The following GALK2 variants were observed in gnomAD, a reference collection of about 807,000 sequenced individuals.
GALK2 encodes the protein galactokinase 2.
A neutral mutation model predicts 52.4 loss-of-function variants in GALK2; 36 were observed. That is an observed-to-expected ratio of 0.69 (90% CI 0.53 to 0.91). The LOEUF (loss-of-function observed/expected upper bound fraction) is 0.91, where lower values mean the gene tolerates loss of function less well. GALK2 is among the 40% of genes least tolerant of loss of function. The pLI, the probability that GALK2 is intolerant of heterozygous loss-of-function variation, is 0.00. For missense variants in GALK2, 579 were observed against 559.1 expected (o/e 1.04, Z -0.36); for synonymous variants, 176 against 199.1 (o/e 0.88, Z 0.98).
chr15:49,214,332 CTT>C (rs35359586), intron 2 of GALK2, among the ~76,000 whole-genome samples: 6 of 126,682 alleles, frequency 4.7e-5, no homozygotes, highest in Admixed American at 1.6e-4. Flanking sequence ...CACTTTGTCA[CTT>C]TTTTTTTTTT....
At chr15:49,273,710 A>G (rs984926064) in intron 5 of GALK2, among the ~76,000 whole-genome samples, 3 of 152,154 alleles carry the variant, frequency 2.0e-5, no homozygotes, top group Admixed American at 1.3e-4. Flanking sequence ...GCTCTACCTA[A>G]TATGTTTGCC....
At chr15:49,312,038 C>T (rs1319715574) in intron 8 of GALK2, among the ~76,000 whole-genome samples, 1 of 152,170 alleles carries the variant, frequency 6.6e-6, no homozygotes, top group Non-Finnish European at 1.5e-5. Context: ...CACTTTTCTT[C>T]CTCTTTCACT....
intron 7 of GALK2, among the ~76,000 whole-genome samples, chr15:49,286,656 C>T (rs2033392505): frequency 6.6e-6 from 1 of 152,136 alleles, no homozygotes; most frequent in Non-Finnish European, 1.5e-5. Flanking sequence ...TAACATTGAA[C>T]TCTTCATAGT....
At chr15:49,297,895 C>T (rs927683923) in intron 8 of GALK2, among the ~76,000 whole-genome samples, 10 of 150,560 alleles carry the variant, frequency 6.6e-5, no homozygotes, top group Non-Finnish European at 1.0e-4. Flanking sequence ...ATTGCTTTGG[C>T]TATTTGGGCC....
chr15:49,223,804 G>A (rs537872881), intron 3 of GALK2, among the ~76,000 whole-genome samples: 1 of 151,850 alleles, frequency 6.6e-6, no homozygotes, highest in Non-Finnish European at 1.5e-5. Flanking sequence ...GGGCACCTGC[G>A]TTGATTCCAT....
intron 8 of GALK2, among the ~76,000 whole-genome samples, chr15:49,294,971 GAGTT>G (rs1029408526): frequency 2.0e-5 from 3 of 152,276 alleles, no homozygotes; most frequent in Admixed American, 2.0e-4. Flanking sequence ...TGTGCAGTAT[GAGTT>G]AGAAGACAAA....
At chr15:49,289,702 T>C (rs16962296) in intron 7 of GALK2, among the ~76,000 whole-genome samples, 9,190 of 152,262 alleles carry the variant, frequency 0.06, 555 homozygotes, top group African/African-American at 0.15. Context: ...CACCTGCCAA[T>C]ATCAGTACAC....
rs1158312648 is a variant in GALK2, at chr15:49,329,934, T to C, written c.*1775T>C. The C allele has an allele frequency of 5.8e-6, 1 of 172,044 alleles. No homozygotes were observed. Among genetic ancestry groups the C allele is most frequent in the Admixed American group, 6.5e-5 (1 of 15,284 alleles). The allele number at this position is 172,044 out of a possible 1,614,324, so 10.7% of individuals were successfully genotyped here. On this transcript the variant is annotated 3_prime_UTR_variant, in exon 10 of 10. Coordinates refer to ENST00000560031, the MANE Select transcript of GALK2 (RefSeq NM_002044.4). Reference sequence around the variant, plus strand: ...TGCACTCTTCTTTGGGGGACACACATGGTCATTCTAAGCGAGGGATCTATT... The same window carrying C: ...TGCACTCTTCTTTGGGGGACACACACGGTCATTCTAAGCGAGGGATCTATT...
downstream of GALK2, chr15:49,335,311 C>A: frequency 1.5e-6 from 1 of 685,436 alleles, no homozygotes. Context: ...GATGCTCAGA[C>A]ATGACTCTCC....
chr15:49,296,035 C>T (rs1158549910), intron 8 of GALK2, among the ~76,000 whole-genome samples: 2 of 152,124 alleles, frequency 1.3e-5, no homozygotes, highest in Non-Finnish European at 2.9e-5. Flanking sequence ...ATAAGCTTTT[C>T]CTCCTGAAGA....
intron 5 of GALK2, among the ~76,000 whole-genome samples, chr15:49,265,594 G>A (rs1012449133): frequency 7.2e-5 from 11 of 152,352 alleles, no homozygotes; most frequent in African/African-American, 2.6e-4. Flanking sequence ...TGTGCCCACT[G>A]TCTGGCACTC....
At position 49,252,830 on chromosome 15, in the gene GALK2, A is replaced by G. The variant is rs572293228; in HGVS notation, c.504+13463A>G. ...TCTATTTTCCTACTACTGAAGTTCT[A>G]TCAATCTTTTAAATCTTTCCTAATC... On this transcript the variant is annotated intron_variant, in intron 5 of 9. Coordinates refer to ENST00000560031, the MANE Select transcript of GALK2 (RefSeq NM_002044.4). Among the ~76,000 whole-genome samples, 141 of 144,944 alleles carry G rather than the reference A, an allele frequency of 9.7e-4. 12 individuals carry two copies. Among genetic ancestry groups the G allele is most frequent in the African/African-American group, 3.3e-3 (132 of 40,498 alleles).
intron 8 of GALK2, among the ~76,000 whole-genome samples, chr15:49,297,487 C>T (rs1212410542): frequency 3.9e-5 from 6 of 152,138 alleles, no homozygotes; most frequent in Non-Finnish European, 7.4e-5. Flanking sequence ...GAGATTTCAT[C>T]ATGAAATCTT....
chr15:49,305,293 A>G (rs536448447), intron 8 of GALK2, among the ~76,000 whole-genome samples: 47 of 152,336 alleles, frequency 3.1e-4, no homozygotes, highest in African/African-American at 1.1e-3. Flanking sequence ...CAGTTTAACC[A>G]TATGAGATCT....
At chr15:49,314,107 T>C (rs1056434332) in intron 8 of GALK2, among the ~76,000 whole-genome samples, 10 of 152,220 alleles carry the variant, frequency 6.6e-5, no homozygotes, top group African/African-American at 2.4e-4. Flanking sequence ...ACCAATTATG[T>C]GTGCCCTGAT....
intron 1 of GALK2, among the ~76,000 whole-genome samples, chr15:49,157,390 T>C (rs2084495760): frequency 1.3e-5 from 2 of 152,226 alleles, no homozygotes; most frequent in South Asian, 4.1e-4. Context: ...TTAAAATTAC[T>C]ACCCCAGGGA....
intron 8 of GALK2, among the ~76,000 whole-genome samples, chr15:49,308,396 A>G (rs904748669): frequency 6.6e-5 from 10 of 152,230 alleles, no homozygotes; most frequent in Non-Finnish European, 1.5e-4. Flanking sequence ...AAAATATTCT[A>G]GGGTATGAAA....
At chr15:49,224,312 GT>G (rs1266215844) in intron 3 of GALK2, among the ~76,000 whole-genome samples, 1 of 152,140 alleles carries the variant, frequency 6.6e-6, no homozygotes, top group African/African-American at 2.4e-5. Context: ...TCTGTTGATA[GT>G]TTCTTTCGCT....
At chr15:49,365,918 A>G (rs1170986280) in intron 3 of GALK2, 1 of 964,876 alleles carries the variant, frequency 1.0e-6, no homozygotes, top group Non-Finnish European at 1.7e-6. Context: ...CTCATTGCTG[A>G]TACTATGCAG....
Sources: allele counts gnomAD v4.1 joint callset (sites outside exome capture counted in the v4.1 genomes callset), GRCh38; gene constraint gnomAD v4.1.1; transcripts MANE v1.5; gene names NCBI Gene and HGNC (gene_info 2026-07-23, HGNC 2026-07-21).